The following RIOK2 variants were observed in gnomAD, a reference collection of about 807,000 sequenced individuals.
RIOK2 encodes the protein RIO kinase 2.
RIOK2 carries 46 observed loss-of-function variants against 62.4 expected under a neutral mutation model. That is an observed-to-expected ratio of 0.74 (90% CI 0.58 to 0.94). RIOK2 has a LOEUF of 0.94. Among genes scored for constraint, RIOK2 ranks in the 40% least tolerant of loss-of-function variants. The pLI, the probability that RIOK2 is intolerant of heterozygous loss-of-function variation, is 0.00. For synonymous variants in RIOK2, 197 were observed against 216.0 expected, an observed-to-expected ratio of 0.91 and a Z score of 0.77; for missense variants, 574 against 658.0, an observed-to-expected ratio of 0.87 and a Z score of 1.40.
In RIOK2 at chr5:97,161,798, C is replaced by CTGT. The variant is rs1748707466; in HGVS notation, c.*1260_*1262dup. 6.6e-6 allele frequency: 1 copy of CTGT among 152,090 alleles called. No homozygotes were observed. Among genetic ancestry groups the CTGT allele is most frequent in the South Asian group, 2.1e-4 (1 of 4,834 alleles). 9.4% of individuals were successfully genotyped at this position (152,090 alleles called of 1,614,324 possible). On this transcript the variant is annotated 3_prime_UTR_variant, in exon 10 of 10. Transcript: ENST00000283109. ...ATAAACATTCTGTGGTTCTATTAAG[C>CTGT]TGTTTTCAACTTTACATTATAAAAA...
intron 1 of RIOK2, chr5:97,182,884 T>C (rs185933029): frequency 1.1e-5 from 5 of 465,302 alleles, no homozygotes; most frequent in Non-Finnish European, 1.6e-5. Context: ...GCAAAGCGAA[T>C]AGCAGCAGAA....
At chr5:97,178,631 GTGCTCTTCTGTACTCTACA>G (rs1749243421) in intron 2 of RIOK2, among the ~76,000 whole-genome samples, 1 of 117,604 alleles carries the variant, frequency 8.5e-6, no homozygotes, top group Non-Finnish European at 1.8e-5. Context: ...CAGTACCTAC[GTGCTCTTCTGTACTCTACA>G]TGCTCTTCTG....
At chr5:97,179,444 A>G (rs547139567) in intron 1 of RIOK2, among the ~76,000 whole-genome samples, 39 of 152,336 alleles carry the variant, frequency 2.6e-4, no homozygotes, top group Non-Finnish European at 4.6e-4. Flanking sequence ...CATTTGGTCA[A>G]TGCTAAAATA....
At chr5:97,176,936 G>A in intron 4 of RIOK2, 180 bp downstream of exon 4, 3 of 570,612 alleles carry the variant, frequency 5.3e-6, no homozygotes, top group African/African-American at 3.8e-5. Context: ...TAACGTAGAA[G>A]GAAATCACTT....
At chr5:97,168,122 TC>T in intron 7 of RIOK2, 131 bp from the exon 8 acceptor site, 1 of 899,338 alleles carries the variant, frequency 1.1e-6, no homozygotes, top group South Asian at 2.8e-5. Flanking sequence ...AAATTTTCCT[TC>T]CCTAAAATGT....
In RIOK2 at chr5:97,162,051, A is replaced by T. The variant is rs1245744057; in HGVS notation, c.*1010T>A. ...AGGTGAAAGGGAATCTGCTGTCTTTATCAATCTTGGAAAAGTCTGTACTAT... is the reference window on the plus strand; with the variant it reads ...AGGTGAAAGGGAATCTGCTGTCTTTTTCAATCTTGGAAAAGTCTGTACTAT... On this transcript the variant is annotated 3_prime_UTR_variant, in exon 10 of 10. Transcript: ENST00000283109. 1 of 152,198 alleles carries T rather than the reference A, an allele frequency of 6.6e-6. No homozygotes were observed. The highest frequency in any genetic ancestry group is 1.5e-5 in the Non-Finnish European group (1 of 68,034). 9.4% of individuals were successfully genotyped at this position (152,198 alleles called of 1,614,324 possible).
At chr5:97,169,986 T>C (rs1748954189) in intron 6 of RIOK2, among the ~76,000 whole-genome samples, 1 of 152,212 alleles carries the variant, frequency 6.6e-6, no homozygotes, top group Non-Finnish European at 1.5e-5. Context: ...AGTATTATTT[T>C]GTTGAAAACG....
At chr5:97,165,638 T>C (rs1307524334) in intron 8 of RIOK2, among the ~76,000 whole-genome samples, 2 of 152,230 alleles carry the variant, frequency 1.3e-5, no homozygotes, top group Non-Finnish European at 1.5e-5. Flanking sequence ...ATATATGCAA[T>C]GTATAAAAAC....
In RIOK2 at chr5:97,171,429, C is replaced by A. The variant is rs567193111; in HGVS notation, c.588-32G>T. 4 of 1,432,596 alleles carry A rather than the reference C, an allele frequency of 2.8e-6. No individual in the cohort carries two copies. In the East Asian group the frequency reaches 9.8e-5, roughly 35 times the overall value. 88.7% of individuals were successfully genotyped at this position (1,432,596 alleles called of 1,614,324 possible). A position where few individuals can be genotyped will look rare whatever the true frequency, so the allele number is the denominator to read the frequency against. ...GTATTTTAAGCATGAAAATAGGTTACTTGTGTTCATTTACGGTTTTAACGA... is the reference window on the plus strand; with the variant it reads ...GTATTTTAAGCATGAAAATAGGTTAATTGTGTTCATTTACGGTTTTAACGA... On this transcript the variant is annotated intron_variant, in intron 5 of 9. Coordinates refer to ENST00000283109, the MANE Select transcript of RIOK2 (RefSeq NM_018343.3).
chr5:97,166,043 C>T (rs896590510), intron 8 of RIOK2, among the ~76,000 whole-genome samples: 1 of 152,192 alleles, frequency 6.6e-6, no homozygotes, highest in Non-Finnish European at 1.5e-5. Flanking sequence ...CATGGGTCCT[C>T]TCCTTTCTTT....
chr5:97,182,987 T>G, intron 1 of RIOK2, 139 bp downstream of exon 1: 1 of 904,140 alleles, frequency 1.1e-6, no homozygotes, highest in Non-Finnish European at 1.9e-6. Flanking sequence ...ACTTTCTGAA[T>G]GCTCTCTTCT....
intron 6 of RIOK2, among the ~76,000 whole-genome samples, chr5:97,170,617 G>C (rs933303248): frequency 2.6e-5 from 4 of 152,108 alleles, no homozygotes; most frequent in African/African-American, 9.7e-5. Flanking sequence ...AAGTCTGTTT[G>C]AACAAAGGGT....
In RIOK2 at chr5:97,161,994, C is replaced by T. The variant is rs1748712671; in HGVS notation, c.*1067G>A. On this transcript the variant is annotated 3_prime_UTR_variant, in exon 10 of 10. Coordinates refer to ENST00000283109, the MANE Select transcript of RIOK2 (RefSeq NM_018343.3). The stretch of plus-strand genomic sequence containing the variant: ...GCCAATTTATTAGATAATTACAGGT[C>T]TTGCAAATAGCTAGTAGAGTTAATT... 1 of 152,162 alleles carries T rather than the reference C, an allele frequency of 6.6e-6. No homozygotes were observed. Among genetic ancestry groups the T allele is most frequent in the South Asian group, 2.1e-4 (1 of 4,828 alleles). 9.4% of individuals were successfully genotyped at this position (152,162 alleles called of 1,614,324 possible).
intron 1 of RIOK2, among the ~76,000 whole-genome samples, chr5:97,179,980 A>ATATATATTATATATATAT (rs1749299062): frequency 2.0e-5 from 1 of 49,800 alleles, no homozygotes; most frequent in African/African-American, 7.3e-5. Context: ...TATATATAAT[A>ATATATATTATATATATAT]TATATATATA....
chr5:97,162,743 T>A lies in RIOK2; in HGVS notation c.*318A>T. 4.6e-6 allele frequency: 1 copy of A among 215,908 alleles called. No homozygotes were observed. Among genetic ancestry groups the A allele is most frequent in the South Asian group, 9.5e-5 (1 of 10,528 alleles). The allele number at this position is 215,908 out of a possible 1,614,324, so 13.4% of individuals were successfully genotyped here. A position where few individuals can be genotyped will look rare whatever the true frequency, so the allele number is the denominator to read the frequency against. On this transcript the variant is annotated 3_prime_UTR_variant, in exon 10 of 10. Transcript: ENST00000283109. ...AAGAATGTGCTAAACATTGTTCTAATTGCTTTATGTGCATTGTAGCATATC... is the reference window on the plus strand; with the variant it reads ...AAGAATGTGCTAAACATTGTTCTAAATGCTTTATGTGCATTGTAGCATATC...
rs370630519 is a variant in RIOK2, at chr5:97,167,715, T to C, written c.1149A>G (p.Glu383=). ...PEQIKEDSLS[E]ESADARSFEM... The stretch of plus-strand genomic sequence containing the variant: ...CAAAACTCCGTGCATCAGCACTCTC[T>C]TCTGATAAACTGTCTTCCTTTATTT... The change falls in exon 8 of 10, where the codon GAA becomes GAG. Residue 383 remains glutamate (E), a synonymous_variant. Coordinates refer to ENST00000283109, the MANE Select transcript of RIOK2 (RefSeq NM_018343.3). 7 of 1,614,094 alleles carry C rather than the reference T, an allele frequency of 4.3e-6. No homozygotes were observed. The African/African-American group carries it at 8.0e-5, about 18-fold the overall frequency.
intron 8 of RIOK2, 135 bp from the exon 9 acceptor site, chr5:97,165,282 A>C: frequency 2.4e-6 from 1 of 424,232 alleles, no homozygotes; most frequent in Non-Finnish European, 4.0e-6. Flanking sequence ...TTATATTTTA[A>C]AATTTCTGTG....
intron 3 of RIOK2, 113 bp from the exon 4 acceptor site, chr5:97,177,404 A>C: frequency 6.8e-6 from 7 of 1,032,968 alleles, no homozygotes; most frequent in Non-Finnish European, 8.2e-6. Flanking sequence ...TTCCTAATAA[A>C]GATTGAGTAT....
Position 97,162,089 on chromosome 5 carries a change from A to G in RIOK2, c.*972T>C, listed in dbSNP as rs1021132723. On this transcript the variant is annotated 3_prime_UTR_variant, in exon 10 of 10. Transcript: ENST00000283109. Reference sequence around the variant, plus strand: ...AAGTCTGTACTATATTCCCTCTGGTAGAACATAATTAGGGATGCAAGTAAT... The same window carrying G: ...AAGTCTGTACTATATTCCCTCTGGTGGAACATAATTAGGGATGCAAGTAAT... The G allele has an allele frequency of 1.3e-5, 2 of 152,158 alleles. No homozygotes were observed. Among genetic ancestry groups the G allele is most frequent in the Non-Finnish European group, 2.9e-5 (2 of 68,024 alleles). The allele number at this position is 152,158 out of a possible 1,614,324, so 9.4% of individuals were successfully genotyped here.
Sources: gnomAD v4.1 joint callset for allele counts (sites outside exome capture counted in the v4.1 genomes callset) on GRCh38, gnomAD v4.1.1 for gene constraint, MANE v1.5 for transcripts, NCBI Gene and HGNC (gene_info 2026-07-23, HGNC 2026-07-21) for gene names.